Variants in ZNF107 observed in about 807,000 individuals in gnomAD.
The protein encoded by ZNF107 is C2H2 type zinc-finger protein.
In ZNF107, 19 loss-of-function variants were observed where a neutral mutation model predicts 12.3. The ratio of observed to expected loss-of-function variants is 1.55; its 90% CI spans 1.08 to 2.27. The LOEUF (loss-of-function observed/expected upper bound fraction) is 2.27. Ranked by LOEUF, ZNF107 falls within the 30% of genes most tolerant of loss-of-function variation. The pLI, the probability that ZNF107 is intolerant of heterozygous loss-of-function variation, is 0.00. For synonymous variants in ZNF107, 317 were observed against 330.5 expected (o/e 0.96, Z 0.44); for missense variants, 958 against 979.9 (o/e 0.98, Z 0.30).
rs1278390827 is a variant in ZNF107, at chr7:64,707,999, A to T, written c.1902A>T (p.Ser634=). 1.2e-6 allele frequency: 2 copies of T among 1,613,360 alleles called. No homozygotes were observed. The highest frequency in any genetic ancestry group is 1.7e-6 in the Non-Finnish European group (2 of 1,179,700). The change falls in exon 4 of 4, where the codon TCA becomes TCT. Residue 634 remains serine (S), a synonymous_variant. Coordinates refer to ENST00000620827, the MANE Select transcript of ZNF107 (RefSeq NM_001282359.2). ...ATGGCAAAGTTTTTAACCAGTCCTC[A>T]AACCTTACTACACAAAAGATAATTC... ...EEHGKVFNQS[S]NLTTQKIIHT... is the part of the protein sequence containing the mutation.
rs964209352 is a variant in ZNF107 at position 64,709,175 on chromosome 7, G to A, written c.*519G>A. 3 of 416,202 alleles carry A rather than the reference G, an allele frequency of 7.2e-6. No homozygotes were observed. The highest frequency in any genetic ancestry group is 2.1e-5 in the African/African-American group (1 of 47,780). 25.8% of individuals were successfully genotyped at this position (416,202 alleles called of 1,614,324 possible). On this transcript the variant is annotated 3_prime_UTR_variant, in exon 4 of 4. Coordinates refer to ENST00000620827, the MANE Select transcript of ZNF107 (RefSeq NM_001282359.2). Reference sequence around the variant, plus strand: ...TTTTAACCTTCCTTAACCCTTAACTGTAGATAAGAAAATTCATACTGGAAA... The same window carrying A: ...TTTTAACCTTCCTTAACCCTTAACTATAGATAAGAAAATTCATACTGGAAA...
intron 1 of ZNF107, among the ~76,000 whole-genome samples, chr7:64,674,125 T>G (rs1030534247): frequency 2.4e-4 from 15 of 63,256 alleles, no homozygotes; most frequent in African/African-American, 6.7e-4. Flanking sequence ...AAAATAGGTG[T>G]TTTTTTTTTT....
intron 1 of ZNF107, among the ~76,000 whole-genome samples, chr7:64,675,293 A>G (rs1038875166): frequency 6.6e-6 from 1 of 152,108 alleles, no homozygotes; most frequent in Non-Finnish European, 1.5e-5. Context: ...TTATTGGTCT[A>G]TTCAGGGATT....
chr7:64,678,197 A>G (rs1245058004), intron 1 of ZNF107, among the ~76,000 whole-genome samples: 1 of 152,194 alleles, frequency 6.6e-6, no homozygotes, highest in Admixed American at 6.5e-5. Context: ...GTAGACACAG[A>G]TTTGTTTAAA....
chr7:64,688,980 C>G (rs950501496), intron 1 of ZNF107, among the ~76,000 whole-genome samples: 1 of 152,060 alleles, frequency 6.6e-6, no homozygotes, highest in Non-Finnish European at 1.5e-5. Context: ...CTCTTTTTGC[C>G]TTTACAAATC....
chr7:64,677,757 C>G lies in ZNF107; in HGVS notation c.3+11472C>G, dbSNP rs150297716. On this transcript the variant is annotated intron_variant, in intron 1 of 3. Transcript: ENST00000620827. The stretch of plus-strand genomic sequence containing the variant: ...GACCCAGCTACTTGGGAGGCTGAGG[C>G]AGGAGAATGGTGTGAACCCGCAAGG... 3.9e-3 allele frequency among the ~76,000 whole-genome samples: 575 copies of G among 147,572 alleles called. 14 individuals are homozygous for G. In the East Asian group the frequency reaches 0.077, roughly 20 times the overall value.
Position 64,706,845 on chromosome 7 carries a change from A to G in ZNF107, c.748A>G (p.Ile250Val), listed in dbSNP as rs373872668. ...CTCACAACTTACTAGGCATAAGATAATTCATACTGAAGAGAAACCCAACAA... is the reference window on the plus strand; with the variant it reads ...CTCACAACTTACTAGGCATAAGATAGTTCATACTGAAGAGAAACCCAACAA... ...QSSQLTRHKI[I>V]HTEEKPNKCE... The change falls in exon 4 of 4, where the codon ATT becomes GTT. Residue 250 changes from isoleucine to valine, a missense_variant. Coordinates refer to ENST00000620827, the MANE Select transcript of ZNF107 (RefSeq NM_001282359.2). The G allele has an allele frequency of 6.2e-7, 1 of 1,613,648 alleles. No homozygotes were observed. Among genetic ancestry groups the G allele is most frequent in the African/African-American group, 1.3e-5 (1 of 75,034 alleles).
intron 1 of ZNF107, 49 bp downstream of exon 1, chr7:64,666,334 G>C: frequency 6.2e-7 from 1 of 1,600,704 alleles, no homozygotes; most frequent in Non-Finnish European, 8.5e-7. Flanking sequence ...GGGCTGGTTG[G>C]AACCGATCGG....
chr7:64,691,366 T>C lies in ZNF107; in HGVS notation c.122T>C (p.Val41Ala). ...NVLLENYRNL[V>A]FLGIAVSKPY... is the part of the protein sequence containing the mutation. ...TTGTTAGAGAACTACAGAAACCTGG[T>C]CTTTTTGGGTGAGGATAACTTCAAT... is the stretch of plus-strand genomic sequence containing the variant. Residue 41 changes from valine (V) to alanine (A), a missense_variant, in exon 2 of 4, where the codon GTC (valine) becomes GCC (alanine). Coordinates refer to ENST00000620827, the MANE Select transcript of ZNF107 (RefSeq NM_001282359.2). 6.7e-7 allele frequency: 1 copy of C among 1,484,732 alleles called. No homozygotes were observed. Among genetic ancestry groups the C allele is most frequent in the Non-Finnish European group, 8.9e-7 (1 of 1,118,320 alleles). 92.0% of individuals were successfully genotyped at this position (1,484,732 alleles called of 1,614,324 possible).
intron 1 of ZNF107, chr7:64,687,104 C>CT (rs898022944): frequency 9.2e-6 from 9 of 983,338 alleles, no homozygotes; most frequent in East Asian, 1.1e-4. Context: ...AGATGCTTTT[C>CT]TTTTTTTTTC....
At chr7:64,683,598 G>A (rs1176805236) in intron 1 of ZNF107, among the ~76,000 whole-genome samples, 1 of 152,098 alleles carries the variant, frequency 6.6e-6, no homozygotes, top group East Asian at 1.9e-4. Context: ...CCTCACAAGC[G>A]CAATCTATTC....
chr7:64,666,308 C>T, intron 1 of ZNF107, 23 bp downstream of exon 1: 3 of 1,608,654 alleles, frequency 1.9e-6, no homozygotes, highest in Non-Finnish European at 2.5e-6. Flanking sequence ...GGTCCGACAT[C>T]CCGAGAGAGG....
rs879151609 is a variant in ZNF107 at position 64,706,357 on chromosome 7, C to G, written c.260C>G (p.Pro87Arg). Residue 87 changes from proline to arginine, a missense_variant, in exon 4 of 4, where the codon CCA becomes CGA. Coordinates refer to ENST00000620827, the MANE Select transcript of ZNF107 (RefSeq NM_001282359.2). ...MSFHFAQDLW[P>R]EQNIKDSFQK... ...TTTCATTTTGCCCAAGACCTTTGGCCAGAGCAGAACATAAAAGATTCTTTC... is the reference window on the plus strand; with the variant it reads ...TTTCATTTTGCCCAAGACCTTTGGCGAGAGCAGAACATAAAAGATTCTTTC... The G allele has an allele frequency of 6.3e-6, 10 of 1,587,202 alleles. No homozygotes were observed. The highest frequency in any genetic ancestry group is 1.1e-5 in the South Asian group (1 of 86,972).
chr7:64,699,794 C>T (rs956954871), intron 3 of ZNF107, among the ~76,000 whole-genome samples: 20 of 151,992 alleles, frequency 1.3e-4, no homozygotes, highest in African/African-American at 4.1e-4. Context: ...CTCGGCCGGG[C>T]GTGGTGGCTC....
intron 3 of ZNF107, among the ~76,000 whole-genome samples, chr7:64,702,886 T>C (rs1330721278): frequency 6.6e-6 from 1 of 152,240 alleles, no homozygotes; most frequent in Non-Finnish European, 1.5e-5. Context: ...AGTCTTTATT[T>C]ATATTTTGTG....
intron 1 of ZNF107, 103 bp downstream of exon 1, chr7:64,666,388 A>G (rs866461173): frequency 1.3e-6 from 2 of 1,492,054 alleles, no homozygotes; most frequent in South Asian, 1.2e-5. Context: ...CCGCGGCCCC[A>G]AGTTCTCCTT....
chr7:64,686,496 CGAA>C, intron 1 of ZNF107: 2 of 985,256 alleles, frequency 2.0e-6, no homozygotes, highest in Non-Finnish European at 2.4e-6. Flanking sequence ...AAGTCCCGCT[CGAA>C]GAATCCCTGA....
chr7:64,691,783 C>T, intron 2 of ZNF107, 82 bp from the exon 3 acceptor site: 1 of 678,192 alleles, frequency 1.5e-6, no homozygotes, highest in Non-Finnish European at 2.0e-6. Context: ...CTATTACATC[C>T]TCTTTACTGA....
At chr7:64,683,905 A>C (rs1027813937) in intron 1 of ZNF107, among the ~76,000 whole-genome samples, 1 of 152,248 alleles carries the variant, frequency 6.6e-6, no homozygotes, top group East Asian at 1.9e-4. Context: ...TCCCTACTGG[A>C]TCTGAAAAGG....
Sources: allele counts gnomAD v4.1 joint callset (sites outside exome capture counted in the v4.1 genomes callset), GRCh38; gene constraint gnomAD v4.1.1; transcripts MANE v1.5; gene names NCBI Gene and HGNC (gene_info 2026-07-23, HGNC 2026-07-21).